Variants in KIF5A observed in about 807,000 individuals in gnomAD.
KIF5A encodes kinesin family member 5A, also known as kinesin heavy chain isoform 5A.
A neutral mutation model predicts 141.3 loss-of-function variants in KIF5A; 35 were observed. The ratio of observed to expected loss-of-function variants is 0.25; its 90% CI spans 0.19 to 0.33. KIF5A has a LOEUF of 0.33. Among genes scored for constraint, KIF5A ranks in the 10% least tolerant of loss-of-function variants. KIF5A has a pLI of 1.00. For synonymous variants in KIF5A, 448 were observed against 500.2 expected, an observed-to-expected ratio of 0.90 and a Z score of 1.39; for missense variants, 861 against 1,314.3, an observed-to-expected ratio of 0.66 and a Z score of 5.33.
intron 23 of KIF5A, 124 bp downstream of exon 23, chr12:57,578,466 T>C: frequency 1.4e-6 from 1 of 722,164 alleles, no homozygotes; most frequent in South Asian, 1.5e-5. Context: ...TCGCTTTTAC[T>C]TTCCCTACTA....
intron 1 of KIF5A, among the ~76,000 whole-genome samples, chr12:57,554,214 G>A (rs1435681550): frequency 1.3e-5 from 2 of 152,144 alleles, no homozygotes; most frequent in African/African-American, 4.8e-5. Flanking sequence ...TTGAAACTGT[G>A]CTCTACCATT....
Position 57,550,112 on chromosome 12 carries a change from C to T in KIF5A, c.-160C>T, listed in dbSNP as rs1460320924. Reference sequence around the variant, plus strand: ...CTGCCGCAGGAGAGAGACAGCGCGCCCCGGCCCTGCTCCCCAGGCTTCGCC... The same window carrying T: ...CTGCCGCAGGAGAGAGACAGCGCGCTCCGGCCCTGCTCCCCAGGCTTCGCC... On this transcript the variant is annotated 5_prime_UTR_variant, in exon 1 of 29. Transcript: ENST00000455537. The surrounding 1 kb of genome is among the most constrained non-coding windows in gnomAD (Gnocchi z 4.6). 1.1e-6 allele frequency: 1 copy of T among 948,342 alleles called. No homozygotes were observed. The highest frequency in any genetic ancestry group is 3.3e-4 in the Middle Eastern group (1 of 3,054). 58.7% of individuals were successfully genotyped at this position (948,342 alleles called of 1,614,324 possible).
chr12:57,552,532 C>CGG (rs199884127), intron 1 of KIF5A, among the ~76,000 whole-genome samples: 12 of 152,158 alleles, frequency 7.9e-5, no homozygotes, highest in South Asian at 4.1e-4. Context: ...TAAATGCTTA[C>CGG]GGGGGGGCCA....
rs1432379331 is a variant in KIF5A at position 57,550,325 on chromosome 12, C to T, written c.54C>T (p.Pro18=). 6.2e-7 allele frequency: 1 copy of T among 1,614,228 alleles called. No individual in the cohort carries two copies. Among genetic ancestry groups the T allele is most frequent in the South Asian group, 1.1e-5 (1 of 91,088 alleles). The change falls in exon 1 of 29, where the codon CCC becomes CCT. Residue 18 remains proline (P), a synonymous_variant. Transcript: ENST00000455537. This position sits in a 1 kb window ranked among gnomAD's most constrained non-coding sequence, Gnocchi z 4.6. ...TCAAGGTGCTCTGCCGATTCCGGCCCCTGAACCAGGCTGAGATTCTGCGGG... is the reference window on the plus strand; with the variant it reads ...TCAAGGTGCTCTGCCGATTCCGGCCTCTGAACCAGGCTGAGATTCTGCGGG... ...CSIKVLCRFR[P]LNQAEILRGD...
intron 1 of KIF5A, among the ~76,000 whole-genome samples, chr12:57,560,368 T>C (rs1321852175): frequency 6.6e-6 from 1 of 152,242 alleles, no homozygotes; most frequent in African/African-American, 2.4e-5. Flanking sequence ...TTGATTTCCA[T>C]GATATCAATT....
At chr12:57,576,411 C>T (rs774298061) in intron 19 of KIF5A, 33 bp downstream of exon 19, 1 of 1,531,512 alleles carries the variant, frequency 6.5e-7, no homozygotes, top group Non-Finnish European at 9.0e-7. Context: ...CCAGCCCCTC[C>T]CGGGTCCTGT....
At position 57,569,025 on chromosome 12, in the gene KIF5A, G is replaced by A. The variant is rs748929502; in HGVS notation, c.777G>A (p.Leu259=). ...LDEAKNINKS[L]SALGNVISAL... Reference sequence around the variant, plus strand: ...AGGCAAAGAATATCAACAAGTCACTGTCAGCTCTGGGCAATGTGATCTCCG... The same window carrying A: ...AGGCAAAGAATATCAACAAGTCACTATCAGCTCTGGGCAATGTGATCTCCG... The change falls in exon 9 of 29, where the codon CTG becomes CTA. Residue 259 remains leucine (L), a synonymous_variant. Transcript: ENST00000455537. 6.2e-7 allele frequency: 1 copy of A among 1,614,072 alleles called. No individual in the cohort carries two copies. Among genetic ancestry groups the A allele is most frequent in the East Asian group, 2.2e-5 (1 of 44,876 alleles).
chr12:57,563,625 C>T lies in KIF5A; in HGVS notation c.223C>T (p.Leu75Phe). 6.2e-7 allele frequency: 1 copy of T among 1,614,114 alleles called. No individual in the cohort carries two copies. Among genetic ancestry groups the T allele is most frequent in the Non-Finnish European group, 8.5e-7 (1 of 1,179,970 alleles). ...ACAMQIVKDVLAGYNGTIFAY... is the reference protein window; with the variant it reads ...ACAMQIVKDVFAGYNGTIFAY... ...TTCTCTACTGTCTCTTCCAGATGTCCTTGCTGGCTACAATGGCACCATTTT... is the reference window on the plus strand; with the variant it reads ...TTCTCTACTGTCTCTTCCAGATGTCTTTGCTGGCTACAATGGCACCATTTT... Residue 75 changes from leucine (L) to phenylalanine (F), a missense_variant, in exon 3 of 29, where the codon CTT becomes TTT. Transcript: ENST00000455537.
chr12:57,561,162 C>T (rs1881899451), intron 1 of KIF5A, among the ~76,000 whole-genome samples: 1 of 152,062 alleles, frequency 6.6e-6, no homozygotes, highest in African/African-American at 2.4e-5. Context: ...ATCTCAGCCT[C>T]CTGAGTAGCT....
Position 57,581,875 on chromosome 12 carries a change from C to T in KIF5A, c.2915C>T (p.Ala972Val), listed in dbSNP as rs1565705255. 2.5e-6 allele frequency: 4 copies of T among 1,613,850 alleles called. No individual in the cohort carries two copies. Among genetic ancestry groups the T allele is most frequent in the Non-Finnish European group, 3.4e-6 (4 of 1,179,982 alleles). The change falls in exon 26 of 29, where the codon GCA becomes GTA. Residue 972 changes from alanine to valine, a missense_variant. Physicochemically the swap from Ala to Val is moderately conservative, Grantham distance 64. Transcript: ENST00000455537. ...CTTTCCTCTGCTCCATCCAGCTTTG[C>T]AAACTCCTGTACCAGCAGTGGAGCC... ...TPSSTSDMYFANSCTSSGATS... is the reference protein window; with the variant it reads ...TPSSTSDMYFVNSCTSSGATS...
chr12:57,570,181 G>T lies in KIF5A; in HGVS notation c.1293+19G>T. The T allele has an allele frequency of 6.2e-7, 1 of 1,611,246 alleles. No homozygotes were observed. The highest frequency in any genetic ancestry group is 8.5e-7 in the Non-Finnish European group (1 of 1,178,844). On this transcript the variant is annotated intron_variant, in intron 12 of 28. Transcript: ENST00000455537. ...CGACAAGGTGAGGGCGGCCAGGCAG[G>T]GCACTGAGGCACGCCAGGTGGGATG...
intron 22 of KIF5A, 70 bp from the exon 23 acceptor site, chr12:57,578,168 G>T: frequency 6.4e-7 from 1 of 1,574,612 alleles, no homozygotes; most frequent in Non-Finnish European, 8.7e-7. Flanking sequence ...TATGGGGCTG[G>T]CTTGGCCTGG....
rs1407665050 is a variant in KIF5A, at chr12:57,550,196, C to G, written c.-76C>G. 8 of 1,601,778 alleles carry G rather than the reference C, an allele frequency of 5.0e-6. No individual in the cohort carries two copies. Among genetic ancestry groups the G allele is most frequent in the Non-Finnish European group, 4.3e-6 (5 of 1,172,560 alleles). On this transcript the variant is annotated 5_prime_UTR_variant, in exon 1 of 29. Transcript: ENST00000455537. The surrounding 1 kb of genome is among the most constrained non-coding windows in gnomAD (Gnocchi z 4.6). ...CACCTGTCCTCCGCCTCGGCCTCTG[C>G]TGAGAGCCCTCTCCTCTGGAGCACA...
intron 1 of KIF5A, among the ~76,000 whole-genome samples, chr12:57,558,411 T>C (rs192602143): frequency 1.2e-3 from 181 of 148,456 alleles, no homozygotes; most frequent in Admixed American, 2.3e-3. Context: ...TGCGGTGGCT[T>C]ACGCCTGTAA....
intron 4 of KIF5A, 111 bp downstream of exon 4, chr12:57,564,323 A>G: frequency 1.8e-6 from 2 of 1,090,070 alleles, no homozygotes; most frequent in Admixed American, 3.4e-5. Flanking sequence ...TCCGGTTACC[A>G]GAGTTCTTTG....
At chr12:57,552,250 A>G (rs1223090812) in intron 1 of KIF5A, among the ~76,000 whole-genome samples, 2 of 151,980 alleles carry the variant, frequency 1.3e-5, no homozygotes, top group African/African-American at 4.8e-5. Flanking sequence ...GGGCCATCCT[A>G]GTATAGTGGG....
chr12:57,550,537 C>T lies in KIF5A; in HGVS notation c.129+137C>T. 9 of 931,136 alleles carry T rather than the reference C, an allele frequency of 9.7e-6. No homozygotes were observed. The South Asian group carries it at 1.4e-4, about 14-fold the overall frequency. The allele number at this position is 931,136 out of a possible 1,614,324, so 57.7% of individuals were successfully genotyped here. On this transcript the variant is annotated intron_variant, in intron 1 of 28. Transcript: ENST00000455537. This position sits in a 1 kb window ranked among gnomAD's most constrained non-coding sequence, Gnocchi z 4.6. The stretch of plus-strand genomic sequence containing the variant: ...TCCTTCATCCTCTTCCCCGCAGCCC[C>T]TCCTCTCCCCTGCATCAGGATGGCT...
intron 6 of KIF5A, among the ~76,000 whole-genome samples, chr12:57,566,597 A>T (rs1247190744): frequency 6.6e-6 from 1 of 151,368 alleles, no homozygotes; most frequent in Non-Finnish European, 1.5e-5. Context: ...TTTAGTGGAG[A>T]TGGGATTTTG....
chr12:57,580,657 C>T (rs899525636), intron 23 of KIF5A, among the ~76,000 whole-genome samples: 2 of 152,270 alleles, frequency 1.3e-5, no homozygotes, highest in Admixed American at 6.5e-5. Context: ...CAGGACAAGG[C>T]GCTCTCACAA....
Sources: gnomAD v4.1 joint callset for allele counts (sites outside exome capture counted in the v4.1 genomes callset) on GRCh38, gnomAD v4.1.1 for gene constraint, Gnocchi (gnomAD v3.1) non-coding constraint, MANE v1.5 for transcripts, NCBI Gene and HGNC (gene_info 2026-07-23, HGNC 2026-07-21) for gene names.